CEP76: variants seen among roughly 807,000 people sequenced by gnomAD.
CEP76 encodes centrosomal protein 76.
A neutral mutation model predicts 83.3 loss-of-function variants in CEP76; 55 were observed. That is an observed-to-expected ratio of 0.66 (90% confidence interval 0.53 to 0.83). CEP76 has a LOEUF of 0.83. Among genes scored for constraint, CEP76 ranks in the 40% least tolerant of loss-of-function variants. CEP76 has a pLI of 0.00. For synonymous variants in CEP76, 270 were observed against 274.5 expected (o/e 0.98, Z 0.16); for missense variants, 694 against 799.5 (o/e 0.87, Z 1.59).
At chr18:12,668,827 G>A (rs2038865443), downstream of CEP76, among the ~76,000 whole-genome samples, 1 of 133,416 alleles carries the variant, frequency 7.5e-6, no homozygotes, top group Non-Finnish European at 1.5e-5. Context: ...TGCAGCCTTC[G>A]CCTCCCGGGT....
downstream of CEP76, among the ~76,000 whole-genome samples, chr18:12,671,967 A>G (rs988002151): frequency 1.4e-5 from 2 of 144,864 alleles, no homozygotes; most frequent in African/African-American, 5.1e-5. Context: ...CTACAGGCAC[A>G]TGCCACCATG....
At chr18:12,686,064 A>T in intron 8 of CEP76, 198 bp downstream of exon 8, 1 of 461,114 alleles carries the variant, frequency 2.2e-6, no homozygotes, top group African/African-American at 2.0e-5. Context: ...TTTAATTTGT[A>T]CTATTTTTTA....
rs766030879 is a variant in CEP76, at chr18:12,695,371, G to C, written c.707-20C>G. On this transcript the variant is annotated intron_variant, in intron 5 of 11. Transcript: ENST00000262127. ...CTGTGCCTATAAACATAAATATTTTGAACTTCAGAGATTTCAATACTATAT... is the reference window on the plus strand; with the variant it reads ...CTGTGCCTATAAACATAAATATTTTCAACTTCAGAGATTTCAATACTATAT... 8.3e-7 allele frequency: 1 copy of C among 1,210,022 alleles called. No individual in the cohort carries two copies. Among genetic ancestry groups the C allele is most frequent in the Non-Finnish European group, 1.2e-6 (1 of 846,630 alleles). 75.0% of individuals were successfully genotyped at this position (1,210,022 alleles called of 1,614,324 possible). A position where few individuals can be genotyped will look rare whatever the true frequency, so the allele number is the denominator to read the frequency against.
At chr18:12,678,923 G>C (rs947699002) in intron 9 of CEP76, 1 of 151,972 alleles carries the variant, frequency 6.6e-6, no homozygotes, top group Non-Finnish European at 1.5e-5. Context: ...TGAGCAACAA[G>C]GGCGAAACTC....
At chr18:12,672,009 A>G (rs12971256), downstream of CEP76, among the ~76,000 whole-genome samples, 59,252 of 151,272 alleles carry the variant, frequency 0.39, 12,006 homozygotes, top group Non-Finnish European at 0.45. Context: ...TAGTAGAGAC[A>G]GGGTTTCACT....
chr18:12,678,372 G>T lies in CEP76; in HGVS notation c.1360C>A (p.Arg454=). Residue 454 remains arginine (R), a synonymous_variant, in exon 10 of 12, where the codon CGA becomes AGA. Transcript: ENST00000262127. ...TGGTTGAAAACACAACCAATTGTTC[G>T]ATATGGGTACAGTGGTTTGGGCTGT... ...AEQPKPLYPY[R]TIGCVFNHQM... is the part of the protein sequence containing the mutation. 1.2e-6 allele frequency: 2 copies of T among 1,614,082 alleles called. No homozygotes were observed. Among genetic ancestry groups the T allele is most frequent in the Non-Finnish European group, 1.7e-6 (2 of 1,179,980 alleles).
At chr18:12,687,438 A>G (rs146576077) in intron 7 of CEP76, among the ~76,000 whole-genome samples, 71 of 152,076 alleles carry the variant, frequency 4.7e-4, no homozygotes, top group Middle Eastern at 6.8e-3. Context: ...ATAGTTCTCA[A>G]CTATAGAAGG....
At chr18:12,699,777 C>A in intron 3 of CEP76, 53 bp downstream of exon 3, 5 of 995,988 alleles carry the variant, frequency 5.0e-6, no homozygotes, top group South Asian at 1.7e-5. Flanking sequence ...AAGACTACAC[C>A]ACATCAATAT....
chr18:12,668,041 T>A (rs1216321509), downstream of CEP76, among the ~76,000 whole-genome samples: 1 of 151,456 alleles, frequency 6.6e-6, no homozygotes, highest in East Asian at 1.9e-4. Context: ...GAGGCAGGCG[T>A]ATCACCTGAG....
chr18:12,686,487 T>G (rs1297898007), intron 7 of CEP76, 37 bp from the exon 8 acceptor site: 1 of 1,413,004 alleles, frequency 7.1e-7, no homozygotes, highest in African/African-American at 1.4e-5. Flanking sequence ...AATGACATAT[T>G]AATCATCCCC....
At position 12,686,353 on chromosome 18, in the gene CEP76, T is replaced by C. The variant is rs149803365; in HGVS notation, c.1031A>G (p.Asn344Ser). 85 of 1,614,126 alleles carry C rather than the reference T, an allele frequency of 5.3e-5. No individual in the cohort carries two copies. In the African/African-American group the frequency reaches 1.0e-3, roughly 19 times the overall value. Reference protein sequence around the residue: ...DTPRQAARFVNVLGYERAPVI... With the variant: ...DTPRQAARFVSVLGYERAPVI... ...AGGGGCTCGTTCATAACCAAGGACA[T>C]TAACAAATCTTGCTGCTTGCCTTGG... Residue 344 changes from asparagine to serine, a missense_variant, in exon 8 of 12, where the codon AAT (asparagine) becomes AGT (serine). Transcript: ENST00000262127.
Position 12,702,534 on chromosome 18 carries a change from C to T in CEP76, c.15G>A (p.Pro5=), listed in dbSNP as rs535941691. The T allele has an allele frequency of 3.7e-6, 6 of 1,607,634 alleles. No homozygotes were observed. In the South Asian group the frequency reaches 4.4e-5, roughly 12 times the overall value. Reference sequence around the variant, plus strand: ...GCTGCTTCAGCTCGGAGGCTTTCTCCGGAGGCAGCGACATGCTGGCAGCCG... The same window carrying T: ...GCTGCTTCAGCTCGGAGGCTTTCTCTGGAGGCAGCGACATGCTGGCAGCCG... MSLP[P]EKASELKQLI... Residue 5 remains proline (P), a synonymous_variant, in exon 1 of 12, where the codon CCG becomes CCA. Coordinates refer to ENST00000262127, the MANE Select transcript of CEP76 (RefSeq NM_024899.4).
At chr18:12,664,896 A>G (rs533276174) in intron 12 of CEP76, among the ~76,000 whole-genome samples, 177 of 151,660 alleles carry the variant, frequency 1.2e-3, no homozygotes, top group Non-Finnish European at 2.1e-3. Context: ...ACAGGGTTTC[A>G]CCACTTTGGC....
intron 8 of CEP76, among the ~76,000 whole-genome samples, chr18:12,681,619 T>G (rs950440443): frequency 6.6e-6 from 1 of 151,890 alleles, no homozygotes; most frequent in African/African-American, 2.4e-5. Flanking sequence ...CAGCAAGAAA[T>G]GCAAATAAAT....
Position 12,686,367 on chromosome 18 carries a change from T to C in CEP76, c.1017A>G (p.Ala339=). ...AACCAAGGACATTAACAAATCTTGCTGCTTGCCTTGGAGTATCAAGAAGCC... is the reference window on the plus strand; with the variant it reads ...AACCAAGGACATTAACAAATCTTGCCGCTTGCCTTGGAGTATCAAGAAGCC... ...AGRLLDTPRQ[A]ARFVNVLGYE... Residue 339 remains alanine (A), a synonymous_variant, in exon 8 of 12, where the codon GCA becomes GCG. Transcript: ENST00000262127. 6.2e-7 allele frequency: 1 copy of C among 1,614,146 alleles called. No individual in the cohort carries two copies.
intron 10 of CEP76, among the ~76,000 whole-genome samples, chr18:12,675,830 G>A (rs574392422): frequency 2.0e-4 from 30 of 151,814 alleles, no homozygotes; most frequent in Non-Finnish European, 3.5e-4. Flanking sequence ...CACCATGCCC[G>A]GCTAATTTTT....
intron 7 of CEP76, among the ~76,000 whole-genome samples, chr18:12,688,886 G>A (rs955442650): frequency 6.6e-6 from 1 of 152,000 alleles, no homozygotes; most frequent in Non-Finnish European, 1.5e-5. Context: ...AGGCCGAGGC[G>A]GGCGGGTCAT....
chr18:12,668,583 G>GT (rs1329877537), downstream of CEP76, among the ~76,000 whole-genome samples: 3 of 73,120 alleles, frequency 4.1e-5, no homozygotes, highest in African/African-American at 5.5e-5. Context: ...GGGAGACAGA[G>GT]TAAGATTCCA....
chr18:12,681,690 C>T lies in CEP76; in HGVS notation c.1123-862G>A, dbSNP rs183848286. 2.9e-3 allele frequency among the ~76,000 whole-genome samples: 435 copies of T among 152,084 alleles called. 2 individuals carry two copies. Among genetic ancestry groups the T allele is most frequent in the African/African-American group, 0.01 (416 of 41,440 alleles). On this transcript the variant is annotated intron_variant, in intron 8 of 11. Coordinates refer to ENST00000262127, the MANE Select transcript of CEP76 (RefSeq NM_024899.4). ...TGTGATAATTTCAAGAAAATACATA[C>T]ATAAGAAAAATGACTGGCAAGAACA...
Sources: gnomAD v4.1 joint callset for allele counts (sites outside exome capture counted in the v4.1 genomes callset) on GRCh38, gnomAD v4.1.1 for gene constraint, MANE v1.5 for transcripts, NCBI Gene and HGNC (gene_info 2026-07-23, HGNC 2026-07-21) for gene names.